The following PDE4B variants were observed in gnomAD, a reference collection of about 807,000 sequenced individuals.
The protein encoded by PDE4B is 3',5'-cyclic-AMP phosphodiesterase 4B.
PDE4B carries 20 observed loss-of-function variants against 82.2 expected under a neutral mutation model. The ratio of observed to expected loss-of-function variants is 0.24; its 90% CI spans 0.17 to 0.35. PDE4B has a LOEUF of 0.35. Ranked by LOEUF, PDE4B falls within the 10% of genes least tolerant of loss-of-function variation. PDE4B has a pLI of 1.00. For synonymous variants in PDE4B, 320 were observed against 318.9 expected (o/e 1.00, Z -0.04); for missense variants, 655 against 907.2 (o/e 0.72, Z 3.57).
At chr1:65,990,946 T>C (rs886453840) in intron 3 of PDE4B, among the ~76,000 whole-genome samples, 4 of 152,160 alleles carry the variant, frequency 2.6e-5, no homozygotes, top group African/African-American at 9.7e-5. Context: ...TTTAAACCCT[T>C]CCTACTATGT....
intron 3 of PDE4B, among the ~76,000 whole-genome samples, chr1:66,008,137 T>A (rs1652256874): frequency 6.6e-6 from 1 of 151,820 alleles, no homozygotes; most frequent in Non-Finnish European, 1.5e-5. Context: ...ACTCATGGGG[T>A]TTAATTTGGG....
intron 3 of PDE4B, among the ~76,000 whole-genome samples, chr1:66,232,730 G>C (rs1652063612): frequency 6.6e-6 from 1 of 152,186 alleles, no homozygotes; most frequent in African/African-American, 2.4e-5. Flanking sequence ...ATTTGAGAAA[G>C]ATAGTGACTA....
intron 3 of PDE4B, among the ~76,000 whole-genome samples, chr1:66,065,220 C>T (rs1336045386): frequency 1.3e-5 from 2 of 151,876 alleles, no homozygotes; most frequent in Admixed American, 6.6e-5. Context: ...TCTTAGTTAA[C>T]ATCAATCTTT....
At chr1:65,875,900 A>G (rs1218977584) in intron 1 of PDE4B, among the ~76,000 whole-genome samples, 3 of 152,024 alleles carry the variant, frequency 2.0e-5, no homozygotes, top group African/African-American at 4.8e-5. Context: ...ATGTATACAT[A>G]TGTAACTAAC....
intron 3 of PDE4B, among the ~76,000 whole-genome samples, chr1:65,961,832 G>C (rs1352988150): frequency 6.6e-6 from 1 of 152,140 alleles, no homozygotes; most frequent in African/African-American, 2.4e-5. Flanking sequence ...TGGATTGGGA[G>C]TGGAGAGAGA....
chr1:65,976,047 G>T (rs1399363763), intron 3 of PDE4B, among the ~76,000 whole-genome samples: 1 of 152,130 alleles, frequency 6.6e-6, no homozygotes, highest in Non-Finnish European at 1.5e-5. Context: ...ACCCCAGAAT[G>T]GTAGATCCAT....
At chr1:66,363,642 T>A in intron 12 of PDE4B, 71 bp downstream of exon 12, 2 of 1,287,094 alleles carry the variant, frequency 1.6e-6, no homozygotes, top group Non-Finnish European at 2.2e-6. Context: ...CTGGATGTAG[T>A]AGCATGTGCC....
At chr1:66,328,288 C>T (rs1659873548) in intron 7 of PDE4B, among the ~76,000 whole-genome samples, 1 of 152,176 alleles carries the variant, frequency 6.6e-6, no homozygotes, top group African/African-American at 2.4e-5. Context: ...TTGGTTCTCC[C>T]TACTTCTTCC....
intron 2 of PDE4B, 139 bp downstream of exon 2, chr1:65,913,495 C>A: frequency 1.3e-6 from 1 of 741,540 alleles, no homozygotes; most frequent in Non-Finnish European, 2.3e-6. Flanking sequence ...ACAGCCAGCA[C>A]CTGGACCTGA....
intron 3 of PDE4B, among the ~76,000 whole-genome samples, chr1:65,930,110 A>G (rs1233574710): frequency 2.6e-5 from 4 of 152,164 alleles, no homozygotes; most frequent in Non-Finnish European, 5.9e-5. Flanking sequence ...TTGGAGTCCA[A>G]TGTTTGAGGG....
At chr1:66,335,040 A>G (rs577887544) in intron 8 of PDE4B, among the ~76,000 whole-genome samples, 3 of 152,370 alleles carry the variant, frequency 2.0e-5, no homozygotes, top group African/African-American at 7.2e-5. Context: ...TGCTGAAATT[A>G]TCTGAGATTT....
intron 10 of PDE4B, among the ~76,000 whole-genome samples, chr1:66,362,020 C>G (rs1054794142): frequency 6.6e-6 from 1 of 152,038 alleles, no homozygotes; most frequent in Non-Finnish European, 1.5e-5. Flanking sequence ...TAGCCTGGAT[C>G]TCTTATGCTG....
At chr1:65,819,735 A>ATGATCCGCCTGCC (rs1553187512) in intron 1 of PDE4B, among the ~76,000 whole-genome samples, 1 of 151,916 alleles carries the variant, frequency 6.6e-6, no homozygotes, top group Admixed American at 6.6e-5. Flanking sequence ...TCCTGACCTC[A>ATGATCCGCCTGCC]TGATCCGCCT....
chr1:65,798,034 T>A (rs1233181790), intron 1 of PDE4B, among the ~76,000 whole-genome samples: 1 of 152,000 alleles, frequency 6.6e-6, no homozygotes, highest in Admixed American at 6.6e-5. Context: ...TTATTTATTT[T>A]TTGAGATGGA....
At chr1:66,170,818 C>G (rs1410156782) in intron 3 of PDE4B, among the ~76,000 whole-genome samples, 1 of 152,052 alleles carries the variant, frequency 6.6e-6, no homozygotes, top group Non-Finnish European at 1.5e-5. Flanking sequence ...TAGAACCAAG[C>G]AATAATTTGT....
chr1:66,214,506 T>C (rs1291244342), intron 3 of PDE4B, among the ~76,000 whole-genome samples: 1 of 152,200 alleles, frequency 6.6e-6, no homozygotes, highest in Non-Finnish European at 1.5e-5. Context: ...AATTCTATGA[T>C]ACACATTGCT....
chr1:65,923,650 T>G (rs922348746), intron 3 of PDE4B, among the ~76,000 whole-genome samples: 11 of 152,360 alleles, frequency 7.2e-5, no homozygotes, highest in African/African-American at 2.6e-4. Context: ...GTCTTTACTT[T>G]ATTTCAACAC....
At chr1:66,187,368 C>G (rs567117520) in intron 3 of PDE4B, among the ~76,000 whole-genome samples, 1 of 151,984 alleles carries the variant, frequency 6.6e-6, no homozygotes, top group Non-Finnish European at 1.5e-5. Context: ...AGGGAGGATT[C>G]CCTCTTTTTC....
intron 3 of PDE4B, among the ~76,000 whole-genome samples, chr1:66,188,281 T>C (rs866177504): frequency 1.6e-4 from 25 of 151,522 alleles, no homozygotes; most frequent in Middle Eastern, 3.4e-3. Flanking sequence ...GCAATAGGTG[T>C]GGTGTGGTGC....
Sources: gnomAD v4.1 joint callset for allele counts (sites outside exome capture counted in the v4.1 genomes callset) on GRCh38, gnomAD v4.1.1 for gene constraint, MANE v1.5 for transcripts, NCBI Gene and HGNC (gene_info 2026-07-23, HGNC 2026-07-21) for gene names.